Variants in SGK3 observed in about 807,000 individuals in gnomAD.
SGK3 encodes serum/glucocorticoid regulated kinase family member 3, also known as serine/threonine-protein kinase Sgk3.
A neutral mutation model predicts 68.5 loss-of-function variants in SGK3; 47 were observed. That is an observed-to-expected ratio of 0.69 (90% CI 0.54 to 0.87). The LOEUF is 0.87. Ranked by LOEUF, SGK3 falls within the 40% of genes least tolerant of loss-of-function variation. SGK3 has a pLI of 0.00. For synonymous variants in SGK3, 181 were observed against 189.1 expected (o/e 0.96, Z 0.35); for missense variants, 479 against 575.5 (o/e 0.83, Z 1.72).
rs869176585 is a variant in SGK3, at chr8:66,744,483, GTATATATATA to G, written c.-122+31678_-122+31687del. 6.0e-3 allele frequency among the ~76,000 whole-genome samples: 243 copies of G among 40,546 alleles called. 2 individuals carry two copies. The highest frequency in any genetic ancestry group is 0.028 in the Middle Eastern group (1 of 36). 26.6% of individuals were successfully genotyped at this position (40,546 alleles called of 152,430 possible). The stretch of plus-strand genomic sequence containing the variant: ...TATATATGCATATATGTGTGTGTGT[GTATATATATA>G]TATATATATATATATATATATATAT... On this transcript the variant is annotated intron_variant, in intron 1 of 16. Coordinates refer to ENST00000521198, the MANE Select transcript of SGK3 (RefSeq NM_001033578.3).
chr8:66,821,771 C>T (rs541814602), intron 5 of SGK3, among the ~76,000 whole-genome samples: 7 of 151,158 alleles, frequency 4.6e-5, no homozygotes, highest in South Asian at 2.1e-4. Context: ...GTGATCCGCC[C>T]GCCTCTGCTT....
intron 6 of SGK3, 56 bp from the exon 7 acceptor site, chr8:66,828,594 ACATT>A: frequency 6.2e-7 from 1 of 1,605,700 alleles, no homozygotes; most frequent in Non-Finnish European, 8.5e-7. Context: ...TTATTTCAAA[ACATT>A]AATTAATTTT....
rs540817334 is a variant in SGK3, at chr8:66,722,594, G to T, written c.-122+9761G>T. Among the ~76,000 whole-genome samples, 42 of 152,330 alleles carry T rather than the reference G, an allele frequency of 2.8e-4. 1 individual carries two copies. The South Asian group carries it at 8.5e-3, about 31-fold the overall frequency. On this transcript the variant is annotated intron_variant, in intron 1 of 16. Transcript: ENST00000521198. ...GCCTCTGCAAAGATGTTTTTATTCA[G>T]CCTCCCAACAACATGGTGCTAAAAT... is the stretch of plus-strand genomic sequence containing the variant.
At chr8:66,766,039 T>A (rs886657266) in intron 1 of SGK3, among the ~76,000 whole-genome samples, 3 of 150,946 alleles carry the variant, frequency 2.0e-5, no homozygotes, top group Non-Finnish European at 4.4e-5. Flanking sequence ...AAAAAAAAAA[T>A]TGGATTTTTC....
At chr8:66,717,618 A>G (rs1447628234) in intron 1 of SGK3, among the ~76,000 whole-genome samples, 1 of 152,256 alleles carries the variant, frequency 6.6e-6, no homozygotes, top group African/African-American at 2.4e-5. Flanking sequence ...AGACTGCTGA[A>G]TGAAACGTAT....
intron 10 of SGK3, 56 bp from the exon 11 acceptor site, chr8:66,839,947 A>C: frequency 1.1e-5 from 15 of 1,410,476 alleles, no homozygotes; most frequent in Non-Finnish European, 1.5e-5. Flanking sequence ...GTTTAATGCT[A>C]TGTGTGAATG....
rs755369708 is a variant in SGK3 at position 66,793,793 on chromosome 8, C to T, written c.57C>T (p.Pro19=). ...AAAGCTGCCCAAGTGTAAGCATTCC[C>T]AGCTCCGATGAACACAGAGAGAAAA... ...YKESCPSVSI[P]SSDEHREKKK... The change falls in exon 2 of 17, where the codon CCC becomes CCT. Residue 19 remains proline (P), a synonymous_variant. Transcript: ENST00000521198. 2 of 1,613,344 alleles carry T rather than the reference C, an allele frequency of 1.2e-6. No homozygotes were observed. Among genetic ancestry groups the T allele is most frequent in the Non-Finnish European group, 1.7e-6 (2 of 1,179,580 alleles).
intron 1 of SGK3, among the ~76,000 whole-genome samples, chr8:66,729,255 G>T (rs1323734926): frequency 6.6e-6 from 1 of 150,848 alleles, no homozygotes; most frequent in African/African-American, 2.4e-5. Context: ...AGGAGATCGA[G>T]ACCATCCTGG....
At chr8:66,804,538 G>A in intron 4 of SGK3, 91 bp downstream of exon 4, 1 of 1,295,016 alleles carries the variant, frequency 7.7e-7, no homozygotes, top group Non-Finnish European at 1.1e-6. Flanking sequence ...TAGCAGTGCA[G>A]GACTTTAAAA....
intron 1 of SGK3, among the ~76,000 whole-genome samples, chr8:66,769,616 A>G (rs1417829116): frequency 6.6e-6 from 1 of 152,222 alleles, no homozygotes; most frequent in African/African-American, 2.4e-5. Flanking sequence ...TCTTCTGTTA[A>G]TCCTATCTGG....
Position 66,847,217 on chromosome 8 carries a change from G to C in SGK3, c.1099G>C (p.Ala367Pro), listed in dbSNP as rs1810070768. The C allele has an allele frequency of 3.1e-6, 5 of 1,602,514 alleles. No individual in the cohort carries two copies. The highest frequency in any genetic ancestry group is 4.3e-6 in the Non-Finnish European group (5 of 1,175,060). Residue 367 changes from alanine (A) to proline (P), a missense_variant, in exon 15 of 17, where the codon GCT becomes CCT. This residue lies in a region of SGK3 where 173 missense variants were observed against 214.3 expected (regional missense o/e 0.81). Coordinates refer to ENST00000521198, the MANE Select transcript of SGK3 (RefSeq NM_001033578.3). ...GLPPFYCRDV[A>P]EMYDNILHKP... ...GCCTCCTTTTTATTGCCGAGATGTTGCTGAAATGTATGACAATATCCTTCA... is the reference window on the plus strand; with the variant it reads ...GCCTCCTTTTTATTGCCGAGATGTTCCTGAAATGTATGACAATATCCTTCA...
rs555636423 is a variant in SGK3, at chr8:66,777,625, C to G, written c.-121-15991C>G. Among the ~76,000 whole-genome samples, 5 of 152,306 alleles carry G rather than the reference C, an allele frequency of 3.3e-5. No homozygotes were observed. The South Asian group carries it at 1.0e-3, about 32-fold the overall frequency. ...TGCAAACCTGCCTCTCCTGTTGTTG[C>G]CAAGCCCATTTCTTCATTCCCTTCA... On this transcript the variant is annotated intron_variant, in intron 1 of 16. Transcript: ENST00000521198.
intron 1 of SGK3, among the ~76,000 whole-genome samples, chr8:66,760,777 T>G (rs550767256): frequency 2.6e-5 from 4 of 152,176 alleles, no homozygotes; most frequent in Non-Finnish European, 5.9e-5. Context: ...ACACAAGGGC[T>G]TTTCTTCTAA....
rs201559163 is a variant in SGK3 at position 66,760,330 on chromosome 8, C to CTTTTTT, written c.-121-33269_-121-33264dup. Among the ~76,000 whole-genome samples the CTTTTTT allele has an allele frequency of 1.0e-3, 120 of 115,630 alleles. 1 individual carries two copies. The highest frequency in any genetic ancestry group is 5.3e-3 in the Middle Eastern group (1 of 190). The allele number at this position is 115,630 out of a possible 152,430, so 75.9% of individuals were successfully genotyped here. ...GCTTACTTTGTTCATTTTCTTTTTT[C>CTTTTTT]TTTTTTTTTTTTTTTTTTTTTTGAG... On this transcript the variant is annotated intron_variant, in intron 1 of 16. Transcript: ENST00000521198.
chr8:66,754,391 C>A (rs1805912191), intron 1 of SGK3, among the ~76,000 whole-genome samples: 1 of 152,126 alleles, frequency 6.6e-6, no homozygotes, highest in Admixed American at 6.5e-5. Flanking sequence ...ACTCTACCCG[C>A]TTAATTCAGT....
At chr8:66,720,795 A>ATATATATATAT (rs1554590881) in intron 1 of SGK3, among the ~76,000 whole-genome samples, 3 of 150,756 alleles carry the variant, frequency 2.0e-5, no homozygotes, top group East Asian at 1.9e-4. Context: ...ATATATATAT[A>ATATATATATAT]ATTAGCCAGG....
At position 66,861,828 on chromosome 8, in the gene SGK3, CTCT is replaced by C. The variant is rs1287919982; in HGVS notation, c.*2249_*2251del. 3 of 152,072 alleles carry C rather than the reference CTCT, an allele frequency of 2.0e-5. No individual in the cohort carries two copies. Among genetic ancestry groups the C allele is most frequent in the Non-Finnish European group, 4.4e-5 (3 of 68,014 alleles). 9.4% of individuals were successfully genotyped at this position (152,072 alleles called of 1,614,324 possible). ...ACTGTAAGTTTTGTTTTTCACAAAG[CTCT>C]TATTATGAAGCAAAATAAAAATTCT... is the stretch of plus-strand genomic sequence containing the variant. On this transcript the variant is annotated 3_prime_UTR_variant, in exon 17 of 17. Coordinates refer to ENST00000521198, the MANE Select transcript of SGK3 (RefSeq NM_001033578.3).
At chr8:66,748,530 T>G (rs1488058225) in intron 1 of SGK3, among the ~76,000 whole-genome samples, 1 of 152,194 alleles carries the variant, frequency 6.6e-6, no homozygotes, top group Non-Finnish European at 1.5e-5. Flanking sequence ...ATCCTGCCTG[T>G]GGGCCATGTG....
Position 66,771,979 on chromosome 8 carries a change from T to A in SGK3, c.-121-21637T>A, listed in dbSNP as rs139523112. Among the ~76,000 whole-genome samples the A allele has an allele frequency of 5.3e-3, 796 of 150,740 alleles. 11 individuals carry two copies. Among genetic ancestry groups the A allele is most frequent in the African/African-American group, 0.017 (715 of 40,934 alleles). Reference sequence around the variant, plus strand: ...TTTGGTTATCATGAAGTAACTGGTGTTACTTCAGTATCATAATATTTCAGA... The same window carrying A: ...TTTGGTTATCATGAAGTAACTGGTGATACTTCAGTATCATAATATTTCAGA... On this transcript the variant is annotated intron_variant, in intron 1 of 16. Coordinates refer to ENST00000521198, the MANE Select transcript of SGK3 (RefSeq NM_001033578.3).
Sources: allele counts gnomAD v4.1 joint callset (sites outside exome capture counted in the v4.1 genomes callset), GRCh38; gene constraint gnomAD v4.1.1; regional missense constraint gnomAD v4.1.1; transcripts MANE v1.5; gene names NCBI Gene and HGNC (gene_info 2026-07-23, HGNC 2026-07-21).